Variants in LSAMP observed in about 807,000 individuals in gnomAD.
The protein encoded by LSAMP is limbic system-associated membrane protein.
LSAMP carries 7 observed loss-of-function variants against 38.6 expected under a neutral mutation model. The ratio of observed to expected loss-of-function variants is 0.18; its 90% CI spans 0.10 to 0.34. The LOEUF is 0.34. LSAMP is among the 10% of genes least tolerant of loss of function. The probability of loss-of-function intolerance (pLI) is 1.00; values close to 1 mark genes in which losing one functional copy is unlikely to be tolerated. For missense variants in LSAMP, 313 were observed against 420.0 expected (o/e 0.75, Z 2.23); for synonymous variants, 154 against 166.8 (o/e 0.92, Z 0.59).
At chr3:116,353,500 C>T (rs924515103) in intron 1 of LSAMP, among the ~76,000 whole-genome samples, 3 of 152,042 alleles carry the variant, frequency 2.0e-5, no homozygotes, top group Non-Finnish European at 4.4e-5. Context: ...GAGATCCTGT[C>T]TTCCCACCTA....
At chr3:116,164,784 T>C (rs1710008219) in intron 1 of LSAMP, among the ~76,000 whole-genome samples, 1 of 137,372 alleles carries the variant, frequency 7.3e-6, no homozygotes, top group Non-Finnish European at 1.5e-5. Context: ...TCAAGTAGCA[T>C]CTAGCTTAGT....
At chr3:115,895,759 C>T (rs1349615170) in intron 3 of LSAMP, among the ~76,000 whole-genome samples, 1 of 151,998 alleles carries the variant, frequency 6.6e-6, no homozygotes, top group East Asian at 1.9e-4. Context: ...TCCAGGGCTC[C>T]TTGGAAATGA....
At chr3:116,059,394 C>A (rs951374087) in intron 2 of LSAMP, among the ~76,000 whole-genome samples, 3 of 152,056 alleles carry the variant, frequency 2.0e-5, no homozygotes, top group Non-Finnish European at 2.9e-5. Flanking sequence ...TCTTTTGGAA[C>A]CCCCTTGGTA....
rs924053934 is a variant in LSAMP, at chr3:116,020,423, C to T, written c.389-783G>A. ...CTTCTTACAATAAAGAAATGATATC[C>T]TATGAAGTTTTTATTTATGGGTAGG... On this transcript the variant is annotated intron_variant, in intron 2 of 6. Transcript: ENST00000490035. Among the ~76,000 whole-genome samples the T allele has an allele frequency of 4.6e-5, 7 of 152,188 alleles. No homozygotes were observed. The East Asian group carries it at 9.6e-4, about 21-fold the overall frequency.
At chr3:116,252,879 C>A (rs1037387676) in intron 1 of LSAMP, among the ~76,000 whole-genome samples, 1 of 152,180 alleles carries the variant, frequency 6.6e-6, no homozygotes, top group South Asian at 2.1e-4. Flanking sequence ...ATTAGGGGCA[C>A]ACTATACTTA....
intron 1 of LSAMP, among the ~76,000 whole-genome samples, chr3:116,439,252 G>A (rs917598990): frequency 6.6e-6 from 1 of 151,718 alleles, no homozygotes; most frequent in African/African-American, 2.4e-5. Context: ...CTAGCGAATC[G>A]CTTGGAAGTC....
chr3:116,154,841 A>G (rs755285726), intron 1 of LSAMP, among the ~76,000 whole-genome samples: 32 of 152,170 alleles, frequency 2.1e-4, no homozygotes, highest in Admixed American at 1.3e-3. Flanking sequence ...TATTCTGCTT[A>G]CTTTTACCTA....
At chr3:115,911,457 A>AG (rs1937133464) in intron 3 of LSAMP, among the ~76,000 whole-genome samples, 1 of 152,166 alleles carries the variant, frequency 6.6e-6, no homozygotes, top group Non-Finnish European at 1.5e-5. Context: ...TCCTGGGCTC[A>AG]GGTGATCCTC....
chr3:115,864,167 T>C (rs1014047525), intron 3 of LSAMP, among the ~76,000 whole-genome samples: 1 of 152,106 alleles, frequency 6.6e-6, no homozygotes, highest in African/African-American at 2.4e-5. Context: ...GATTGAGAGG[T>C]GTCTGGACTT....
intron 2 of LSAMP, among the ~76,000 whole-genome samples, chr3:116,039,177 T>C (rs1234364599): frequency 2.6e-5 from 4 of 152,218 alleles, no homozygotes; most frequent in Admixed American, 6.5e-5. Flanking sequence ...TTGAAACAAA[T>C]CTTTTGGAAA....
intron 1 of LSAMP, among the ~76,000 whole-genome samples, chr3:116,356,417 C>T (rs901555180): frequency 1.3e-5 from 2 of 151,938 alleles, no homozygotes; most frequent in Non-Finnish European, 2.9e-5. Flanking sequence ...TGATGGTTAC[C>T]AGAGGTTTGG....
chr3:116,191,390 A>G (rs1258301302), intron 1 of LSAMP, among the ~76,000 whole-genome samples: 3 of 152,164 alleles, frequency 2.0e-5, no homozygotes, highest in Non-Finnish European at 4.4e-5. Flanking sequence ...ACATCACCCT[A>G]AGGGATCTAC....
At position 116,060,220 on chromosome 3, in the gene LSAMP, G is replaced by C. The variant is rs1941569334; in HGVS notation, c.388+26104C>G. ...ATAGTTTTTTTTTTTTTTACTAGCAGCATTGTAAAGGTAGCCAAATAAATT... is the reference window on the plus strand; with the variant it reads ...ATAGTTTTTTTTTTTTTTACTAGCACCATTGTAAAGGTAGCCAAATAAATT... On this transcript the variant is annotated intron_variant, in intron 2 of 6. Transcript: ENST00000490035. Among the ~76,000 whole-genome samples the C allele has an allele frequency of 3.1e-5, 4 of 129,072 alleles. No homozygotes were observed. The South Asian group carries it at 8.5e-4, about 27-fold the overall frequency. The allele number at this position is 129,072 out of a possible 152,430, so 84.7% of individuals were successfully genotyped here. A position where few individuals can be genotyped will look rare whatever the true frequency, so the allele number is the denominator to read the frequency against.
intron 1 of LSAMP, among the ~76,000 whole-genome samples, chr3:116,287,797 C>T (rs2107689732): frequency 6.6e-6 from 1 of 152,310 alleles, no homozygotes; most frequent in South Asian, 2.1e-4. Context: ...ATTAACCTCA[C>T]AATGCAGATT....
intron 1 of LSAMP, among the ~76,000 whole-genome samples, chr3:116,260,175 C>T (rs537561925): frequency 1.3e-5 from 2 of 152,154 alleles, no homozygotes; most frequent in East Asian, 1.9e-4. Context: ...TCCTTCTAAT[C>T]CTTTCAATAA....
chr3:116,172,046 C>G (rs1026897085), intron 1 of LSAMP, among the ~76,000 whole-genome samples: 4 of 151,872 alleles, frequency 2.6e-5, no homozygotes, highest in Admixed American at 2.6e-4. Context: ...AGTCATGTAA[C>G]CACCAACACT....
At chr3:115,875,442 A>G (rs1936156932) in intron 3 of LSAMP, among the ~76,000 whole-genome samples, 1 of 152,070 alleles carries the variant, frequency 6.6e-6, no homozygotes, top group Non-Finnish European at 1.5e-5. Context: ...GTCTCTCTAT[A>G]AATAGAAACC....
intron 1 of LSAMP, among the ~76,000 whole-genome samples, chr3:116,136,740 T>C (rs1276255443): frequency 6.6e-6 from 1 of 152,126 alleles, no homozygotes; most frequent in Admixed American, 6.6e-5. Context: ...TGCCTACGTA[T>C]GTGTCTCTAC....
chr3:116,017,406 C>T (rs575404309), intron 3 of LSAMP, among the ~76,000 whole-genome samples: 2 of 151,956 alleles, frequency 1.3e-5, no homozygotes, highest in South Asian at 2.1e-4. Context: ...CCTTGTTCCA[C>T]GTAAGAGTAA....
Sources: allele counts gnomAD v4.1 joint callset (sites outside exome capture counted in the v4.1 genomes callset), GRCh38; gene constraint gnomAD v4.1.1; transcripts MANE v1.5; gene names NCBI Gene and HGNC (gene_info 2026-07-23, HGNC 2026-07-21).